ZNF608: variants seen among roughly 807,000 people sequenced by gnomAD.
ZNF608 encodes the protein renal carcinoma antigen NY-REN-36.
Under a neutral mutation model 109.0 loss-of-function variants are expected in ZNF608, and 12 were observed. The observed-to-expected ratio is 0.11, with a 90% confidence interval of 0.07 to 0.18. The LOEUF (loss-of-function observed/expected upper bound fraction) is 0.18, where lower values mean the gene tolerates loss of function less well. Among genes scored for constraint, ZNF608 ranks in the 10% least tolerant of loss-of-function variants. ZNF608 has a pLI of 1.00. For missense variants in ZNF608, 1,707 were observed against 1,879.3 expected (o/e 0.91, Z 1.70); for synonymous variants, 732 against 717.4 (o/e 1.02, Z -0.33).
chr5:124,643,479 G>C lies in ZNF608; in HGVS notation c.4296+32C>G, dbSNP rs779946158. The stretch of plus-strand genomic sequence containing the variant: ...TGTTCCCCTTTCTCCCCAAATCACA[G>C]TACTTTTAAATAACAACAAAAGGAG... On this transcript the variant is annotated intron_variant, in intron 7 of 9. Transcript: ENST00000513986. 6 of 1,606,794 alleles carry C rather than the reference G, an allele frequency of 3.7e-6. No individual in the cohort carries two copies. In the South Asian group the frequency reaches 5.5e-5, roughly 15 times the overall value.
At chr5:124,681,512 G>A (rs1323908895) in intron 3 of ZNF608, among the ~76,000 whole-genome samples, 1 of 152,058 alleles carries the variant, frequency 6.6e-6, no homozygotes, top group East Asian at 1.9e-4. Flanking sequence ...GGCTGAGCTG[G>A]GAGCATCACT....
intron 3 of ZNF608, among the ~76,000 whole-genome samples, chr5:124,680,708 G>C (rs968282058): frequency 1.3e-5 from 2 of 152,038 alleles, no homozygotes; most frequent in Non-Finnish European, 2.9e-5. Flanking sequence ...AAACAAAAAA[G>C]AAACTTAGAC....
chr5:124,665,317 C>CA (rs1022758702), intron 3 of ZNF608, among the ~76,000 whole-genome samples: 3 of 152,178 alleles, frequency 2.0e-5, no homozygotes, highest in African/African-American at 7.2e-5. Context: ...ACCACAGAGC[C>CA]AGGTGTTAAA....
chr5:124,725,897 A>C (rs1293945245), intron 2 of ZNF608, among the ~76,000 whole-genome samples: 1 of 152,086 alleles, frequency 6.6e-6, no homozygotes, highest in Admixed American at 6.6e-5. Flanking sequence ...TCTCCACTTT[A>C]AAAAATGACA....
intron 2 of ZNF608, chr5:124,735,020 T>G (rs560632447): frequency 6.6e-6 from 1 of 152,334 alleles, no homozygotes; most frequent in South Asian, 2.1e-4. Flanking sequence ...TGTTTTAATG[T>G]ACCCAGTATA....
At position 124,648,937 on chromosome 5, in the gene ZNF608, G is replaced by C. The variant is rs1750662566; in HGVS notation, c.1447C>G (p.Pro483Ala). ...SLNASGRRTPPNCAAEDIKAS... is the reference protein window; with the variant it reads ...SLNASGRRTPANCAAEDIKAS... ...TTGATATCCTCAGCAGCACAATTTG[G>C]GGGTGTCCTTCGTCCGCTGGCATTG... The change falls in exon 5 of 10, where the codon CCA becomes GCA. Residue 483 changes from proline to alanine, a missense_variant. Pro to Ala is a conservative substitution (Grantham distance 27). Around this residue, in one of 7 missense-constraint regions of ZNF608, gnomAD observed 166 missense variants for 204.2 expected, o/e 0.81. Transcript: ENST00000513986. 6 of 1,614,010 alleles carry C rather than the reference G, an allele frequency of 3.7e-6. No individual in the cohort carries two copies. Among genetic ancestry groups the C allele is most frequent in the Non-Finnish European group, 5.1e-6 (6 of 1,179,996 alleles).
intron 2 of ZNF608, among the ~76,000 whole-genome samples, chr5:124,713,208 C>T (rs1388360711): frequency 2.6e-5 from 4 of 152,124 alleles, no homozygotes; most frequent in African/African-American, 9.7e-5. Context: ...AAGGTGGTTC[C>T]ACCCTACAAA....
intron 3 of ZNF608, among the ~76,000 whole-genome samples, chr5:124,683,872 G>C (rs532830560): frequency 6.6e-6 from 1 of 152,208 alleles, no homozygotes; most frequent in African/African-American, 2.4e-5. Context: ...TTAGACCAGG[G>C]GTTCCAAAAC....
At chr5:124,747,237 T>G (rs961292442), upstream of ZNF608, among the ~76,000 whole-genome samples, 39 of 151,288 alleles carry the variant, frequency 2.6e-4, no homozygotes, top group Non-Finnish European at 5.7e-4. Context: ...AAACGGTGTG[T>G]CTCCCTTTTA....
At chr5:124,641,957 T>A (rs1446551919) in intron 7 of ZNF608, among the ~76,000 whole-genome samples, 1 of 152,166 alleles carries the variant, frequency 6.6e-6, no homozygotes, top group Admixed American at 6.5e-5. Flanking sequence ...GAAGGCCCCA[T>A]CCTCCCAAAC....
intron 2 of ZNF608, among the ~76,000 whole-genome samples, chr5:124,721,941 CAAAAAAAAA>C (rs199699487): frequency 5.8e-3 from 121 of 20,814 alleles, no homozygotes; most frequent in African/African-American, 0.016. Context: ...GACTCTGTCT[CAAAAAAAAA>C]AAAAAAAAAA....
chr5:124,695,754 C>A (rs1397925590), intron 3 of ZNF608, among the ~76,000 whole-genome samples: 1 of 151,400 alleles, frequency 6.6e-6, no homozygotes, highest in Non-Finnish European at 1.5e-5. Context: ...GAGCGATGAA[C>A]TGAGACCCTG....
chr5:124,733,735 T>C (rs1749017000), intron 2 of ZNF608, among the ~76,000 whole-genome samples: 1 of 152,204 alleles, frequency 6.6e-6, no homozygotes, highest in East Asian at 1.9e-4. Flanking sequence ...AGGATTTCAA[T>C]CTGGCTGTTT....
chr5:124,704,804 T>C (rs1237966381), intron 2 of ZNF608, among the ~76,000 whole-genome samples: 1 of 152,000 alleles, frequency 6.6e-6, no homozygotes, highest in Non-Finnish European at 1.5e-5. Context: ...GAATGTCGCC[T>C]AGCCCAACCT....
chr5:124,664,545 G>A (rs188348210), intron 3 of ZNF608, among the ~76,000 whole-genome samples: 1 of 151,972 alleles, frequency 6.6e-6, no homozygotes, highest in African/African-American at 2.4e-5. Flanking sequence ...AAGAATAAGT[G>A]TTTTTTATAC....
At chr5:124,708,748 C>G (rs1753361295) in intron 2 of ZNF608, 1 of 456,160 alleles carries the variant, frequency 2.2e-6, no homozygotes, top group Non-Finnish European at 4.4e-6. Context: ...AAGTGCTGTT[C>G]AGGCTTAGCA....
At chr5:124,716,804 C>T (rs943676472) in intron 2 of ZNF608, among the ~76,000 whole-genome samples, 1 of 152,156 alleles carries the variant, frequency 6.6e-6, no homozygotes, top group African/African-American at 2.4e-5. Context: ...ACATTTTGGC[C>T]GGGCATGGTG....
At chr5:124,747,203 G>C (rs1749670384), upstream of ZNF608, among the ~76,000 whole-genome samples, 1 of 149,800 alleles carries the variant, frequency 6.7e-6, no homozygotes, top group Admixed American at 6.6e-5. Context: ...CTTTTCGGGA[G>C]TTTTTCCCTC....
rs748140684 is a variant in ZNF608 at position 124,643,609 on chromosome 5, T to C, written c.4198A>G (p.Asn1400Asp). The C allele has an allele frequency of 4.0e-5, 65 of 1,614,106 alleles. No homozygotes were observed. In the South Asian group the frequency reaches 6.5e-4, roughly 16 times the overall value. Residue 1400 changes from asparagine to aspartate, a missense_variant, in exon 7 of 10, where the codon AAT (asparagine) becomes GAT (aspartate). Asn to Asp is a conservative substitution (Grantham distance 23). Coordinates refer to ENST00000513986, the MANE Select transcript of ZNF608 (RefSeq NM_020747.3). ...TTCGTGTTGACGCTAGGGCTGGTAT[T>C]GACTTTCTCTGTCTCTTCTCTCCCT... ...MSGREETEKV[N>D]TSPSVNTKTT...
Sources: gnomAD v4.1 joint callset for allele counts (sites outside exome capture counted in the v4.1 genomes callset) on GRCh38, gnomAD v4.1.1 for gene constraint, gnomAD v4.1.1 regional missense constraint, MANE v1.5 for transcripts, NCBI Gene and HGNC (gene_info 2026-07-23, HGNC 2026-07-21) for gene names.